Variants in RFC1 observed in about 807,000 individuals in gnomAD.
RFC1 encodes replication factor C subunit 1.
Under a neutral mutation model 137.4 loss-of-function variants are expected in RFC1, and 37 were observed. The observed-to-expected ratio is 0.27, with a 90% CI of 0.21 to 0.35. The LOEUF (loss-of-function observed/expected upper bound fraction) is 0.35. RFC1 is among the 10% of genes least tolerant of loss of function. RFC1 has a pLI of 1.00. For missense variants in RFC1, 1,205 were observed against 1,358.5 expected (o/e 0.89, Z 1.78); for synonymous variants, 429 against 455.7 (o/e 0.94, Z 0.75).
chr4:39,290,138 T>C (rs754597589), intron 23 of RFC1, 99 bp from the exon 24 acceptor site: 12 of 792,926 alleles, frequency 1.5e-5, no homozygotes, highest in Non-Finnish European at 2.3e-5. Flanking sequence ...CCCCTGCAAC[T>C]GTTTGCAAAG....
chr4:39,316,949 C>A lies in RFC1; in HGVS notation c.1169G>T (p.Gly390Val). The change falls in exon 10 of 25, where the codon GGT becomes GTT. Residue 390 changes from glycine to valine, a missense_variant. By Grantham distance (109) the Gly-to-Val change is moderately radical. Around this residue, in one of 3 missense-constraint regions of RFC1, gnomAD observed 962 missense variants for 1,035.3 expected, o/e 0.93. Transcript: ENST00000349703. ...TTCTTTGGAGCCCAGAGCCTTGGGA[C>A]CTTCTCGATTTAAGTAGCTTCGATA... Reference protein sequence around the residue: ...QAYRSYLNREGPKALGSKEIP... With the variant: ...QAYRSYLNREVPKALGSKEIP... The A allele has an allele frequency of 1.9e-6, 3 of 1,613,980 alleles. No individual in the cohort carries two copies. The highest frequency in any genetic ancestry group is 2.5e-6 in the Non-Finnish European group (3 of 1,179,862).
chr4:39,317,557 C>T (rs1287560688), intron 9 of RFC1, among the ~76,000 whole-genome samples: 1 of 152,092 alleles, frequency 6.6e-6, no homozygotes, highest in Non-Finnish European at 1.5e-5. Flanking sequence ...AGAGAAGACA[C>T]GTTCTCTATG....
At position 39,288,693 on chromosome 4, in the gene RFC1, T is replaced by C; in HGVS notation, c.*68A>G. On this transcript the variant is annotated 3_prime_UTR_variant, in exon 25 of 25. Coordinates refer to ENST00000349703, the MANE Select transcript of RFC1 (RefSeq NM_002913.5). ...TGGTTGCTCTGGGAAAAAACAAGGC[T>C]TTCTCTAGACCAGCTGGACTGGTCA... is the stretch of plus-strand genomic sequence containing the variant. The C allele has an allele frequency of 2.0e-6, 2 of 1,001,658 alleles. No individual in the cohort carries two copies. The highest frequency in any genetic ancestry group is 3.1e-6 in the Non-Finnish European group (2 of 644,428). The allele number at this position is 1,001,658 out of a possible 1,614,324, so 62.0% of individuals were successfully genotyped here.
At chr4:39,341,563 T>C (rs1740607153) in intron 4 of RFC1, 1 of 455,170 alleles carries the variant, frequency 2.2e-6, no homozygotes, top group African/African-American at 2.0e-5. Context: ...ATGGACTTTG[T>C]TTTTCTTTTT....
chr4:39,328,174 T>A (rs1739879668), intron 4 of RFC1, among the ~76,000 whole-genome samples: 1 of 117,868 alleles, frequency 8.5e-6, no homozygotes. Context: ...TAATAACTTT[T>A]TCCCCCTATC....
Position 39,302,312 on chromosome 4 carries a change from G to C in RFC1, c.2501C>G (p.Ala834Gly), listed in dbSNP as rs764625447. Residue 834 changes from alanine to glycine, a missense_variant, in exon 19 of 25, where the codon GCT becomes GGT. Physicochemically the swap from Ala to Gly is moderately conservative, Grantham distance 60. Transcript: ENST00000349703. ...SKALTYDQAK[A>G]DSHRAKKDIK... ...ATCCTTTTTGGCTCTGTGAGAATCA[G>C]CTTTGGCCTGGTCATAGGTTAATGC... 6.8e-6 allele frequency: 11 copies of C among 1,612,646 alleles called. No homozygotes were observed. In the East Asian group the frequency reaches 2.2e-4, roughly 33 times the overall value.
chr4:39,357,729 G>A (rs1042442250), intron 1 of RFC1, among the ~76,000 whole-genome samples: 48 of 151,480 alleles, frequency 3.2e-4, no homozygotes, highest in Non-Finnish European at 5.6e-4. Flanking sequence ...CAGTTGTCCT[G>A]CCTCAGCCTC....
intron 1 of RFC1, among the ~76,000 whole-genome samples, chr4:39,355,096 A>ATACACACACACACAC (rs59993299): frequency 2.2e-4 from 13 of 60,166 alleles, no homozygotes; most frequent in Middle Eastern, 7.8e-3. Context: ...AAAAAAAAAA[A>ATACACACACACACAC]ATACACACAC....
intron 1 of RFC1, among the ~76,000 whole-genome samples, chr4:39,361,010 T>A: frequency 6.6e-6 from 1 of 152,208 alleles, no homozygotes; most frequent in Admixed American, 6.5e-5. Context: ...ATCCTGAAAA[T>A]CATTAAAATG....
At chr4:39,311,678 G>A in intron 11 of RFC1, 129 bp from the exon 12 acceptor site, 11 of 567,932 alleles carry the variant, frequency 1.9e-5, no homozygotes, top group South Asian at 1.1e-4. Flanking sequence ...GATAACACTG[G>A]AATTAAAAAA....
intron 20 of RFC1, 39 bp from the exon 21 acceptor site, chr4:39,300,177 C>CA: frequency 6.2e-7 from 1 of 1,608,880 alleles, no homozygotes; most frequent in African/African-American, 1.3e-5. Flanking sequence ...CCACTCTCCA[C>CA]ACCCCAGGTC....
intron 2 of RFC1, among the ~76,000 whole-genome samples, 172 bp downstream of exon 2, chr4:39,351,176 A>G (rs766343787): frequency 1.1e-4 from 16 of 145,824 alleles, no homozygotes; most frequent in South Asian, 4.4e-4. Flanking sequence ...GCATGAACCC[A>G]GGAGGCGGAG....
In RFC1 at chr4:39,302,262, T is replaced by C. The variant is rs773980875; in HGVS notation, c.2535+16A>G. ...TTGGCTTAGGAAAGTAACTAAGACA[T>C]GGACATTTATTTTACCATTTTGATA... On this transcript the variant is annotated intron_variant, in intron 19 of 24. Coordinates refer to ENST00000349703, the MANE Select transcript of RFC1 (RefSeq NM_002913.5). The C allele has an allele frequency of 1.3e-6, 2 of 1,529,308 alleles. No individual in the cohort carries two copies. Among genetic ancestry groups the C allele is most frequent in the East Asian group, 4.5e-5 (2 of 44,420 alleles). 94.7% of individuals were successfully genotyped at this position (1,529,308 alleles called of 1,614,324 possible).
chr4:39,292,215 T>G, intron 22 of RFC1: 1 of 207,432 alleles, frequency 4.8e-6, no homozygotes, highest in African/African-American at 2.3e-5. Flanking sequence ...TATAAGGCAA[T>G]GAAATTCCCT....
At chr4:39,326,080 G>C (rs1322081684) in intron 6 of RFC1, among the ~76,000 whole-genome samples, 1 of 152,072 alleles carries the variant, frequency 6.6e-6, no homozygotes, top group East Asian at 1.9e-4. Flanking sequence ...GGCGCCTGTA[G>C]TCTCAGTTAC....
chr4:39,302,407 G>T (rs770571753), intron 18 of RFC1, 31 bp from the exon 19 acceptor site: 13 of 1,571,128 alleles, frequency 8.3e-6, no homozygotes, highest in Middle Eastern at 1.7e-4. Flanking sequence ...ACAACGTCAA[G>T]ATAGGAAAAT....
intron 11 of RFC1, 125 bp downstream of exon 11, chr4:39,312,627 T>A: frequency 1.1e-6 from 1 of 917,596 alleles, no homozygotes; most frequent in Non-Finnish European, 1.6e-6. Flanking sequence ...GAAGAAATAA[T>A]GTAGGCAAGA....
chr4:39,321,354 C>G lies in RFC1; in HGVS notation c.741G>C (p.Ala247=). 1 of 1,613,650 alleles carries G rather than the reference C, an allele frequency of 6.2e-7. No individual in the cohort carries two copies. The highest frequency in any genetic ancestry group is 8.5e-7 in the Non-Finnish European group (1 of 1,179,772). The stretch of plus-strand genomic sequence containing the variant: ...CTTGGACAGATGAAAACGTTTCTCC[C>G]GCTTCTGTGTCCTTTCGAGCCTAAA... The part of the protein sequence containing the change: ...KTKKARKDTE[A]GETFSSVQAN... Residue 247 remains alanine, a synonymous_variant, in exon 8 of 25, where the codon GCG becomes GCC. Coordinates refer to ENST00000349703, the MANE Select transcript of RFC1 (RefSeq NM_002913.5).
chr4:39,334,325 C>A (rs1167928804), intron 4 of RFC1, among the ~76,000 whole-genome samples: 1 of 152,138 alleles, frequency 6.6e-6, no homozygotes, highest in African/African-American at 2.4e-5. Flanking sequence ...AGCAGTCCTA[C>A]TGTTTCTCTA....
Sources: allele counts gnomAD v4.1 joint callset (sites outside exome capture counted in the v4.1 genomes callset), GRCh38; gene constraint gnomAD v4.1.1; regional missense constraint gnomAD v4.1.1; transcripts MANE v1.5; gene names NCBI Gene and HGNC (gene_info 2026-07-23, HGNC 2026-07-21).